The following NAV3 variants were observed in gnomAD, a reference collection of about 807,000 sequenced individuals.
NAV3 encodes pore membrane and/or filament interacting like protein 1.
In NAV3, 87 loss-of-function variants were observed where a neutral mutation model predicts 244.7. The ratio of observed to expected loss-of-function variants is 0.36; its 90% CI spans 0.30 to 0.42. NAV3 has a LOEUF of 0.42. NAV3 is among the 20% of genes least tolerant of loss of function. The pLI is 1.00. For synonymous variants in NAV3, 1,126 were observed against 1,042.2 expected, an observed-to-expected ratio of 1.08 and a Z score of -1.55; for missense variants, 2,663 against 2,893.3, an observed-to-expected ratio of 0.92 and a Z score of 1.83.
At chr12:77,625,779 T>A (rs546541351) in intron 2 of NAV3, among the ~76,000 whole-genome samples, 1 of 152,262 alleles carries the variant, frequency 6.6e-6, no homozygotes, top group East Asian at 1.9e-4. Flanking sequence ...ACACTATAGA[T>A]AAATCTGTAG....
At chr12:77,881,557 A>T (rs894359613) in intron 1 of NAV3, among the ~76,000 whole-genome samples, 1 of 152,148 alleles carries the variant, frequency 6.6e-6, no homozygotes, top group African/African-American at 2.4e-5. Flanking sequence ...CCTATTCAGC[A>T]TATTATTGGA....
intron 1 of NAV3, among the ~76,000 whole-genome samples, chr12:77,879,307 T>G (rs927708524): frequency 6.6e-6 from 1 of 152,094 alleles, no homozygotes; most frequent in Non-Finnish European, 1.5e-5. Context: ...TACACAGAAT[T>G]TATATTAAAT....
intron 1 of NAV3, among the ~76,000 whole-genome samples, chr12:77,929,358 G>T (rs918668229): frequency 4.6e-5 from 7 of 152,092 alleles, no homozygotes; most frequent in Admixed American, 6.5e-5. Flanking sequence ...ACATTGCATA[G>T]CTCTGGCTGC....
At chr12:77,649,952 T>A (rs1056230393) in intron 2 of NAV3, among the ~76,000 whole-genome samples, 9 of 152,232 alleles carry the variant, frequency 5.9e-5, no homozygotes, top group African/African-American at 2.2e-4. Flanking sequence ...AACAGCAATC[T>A]TTTTGTTCAC....
chr12:77,881,684 C>G (rs561395651), intron 1 of NAV3, among the ~76,000 whole-genome samples: 35 of 152,184 alleles, frequency 2.3e-4, no homozygotes, highest in Non-Finnish European at 4.7e-4. Context: ...AACCCTAAGA[C>G]TCTTCCAAAA....
At position 77,720,412 on chromosome 12, in the gene NAV3, A is replaced by G. The variant is rs1876563856; in HGVS notation, c.72+148146A>G. Among the ~76,000 whole-genome samples, 4 of 152,094 alleles carry G rather than the reference A, an allele frequency of 2.6e-5. No homozygotes were observed. In the South Asian group the frequency reaches 8.3e-4, roughly 32 times the overall value. On this transcript the variant is annotated intron_variant, in intron 2 of 8. Coordinates refer to the NAV3 transcript ENST00000550042. ...CAGGAAGTGTGCACATAAATTTCCA[A>G]TTAGAAGGATTTACTGGCTTCTTTT...
At chr12:78,059,933 CT>C (rs1273007073) in intron 12 of NAV3, among the ~76,000 whole-genome samples, 1 of 150,978 alleles carries the variant, frequency 6.6e-6, no homozygotes, top group Admixed American at 6.6e-5. Flanking sequence ...CTTATTTTTG[CT>C]TCTTTATTGC....
intron 2 of NAV3, among the ~76,000 whole-genome samples, chr12:77,662,622 T>G (rs1873516926): frequency 6.6e-6 from 1 of 152,110 alleles, no homozygotes; most frequent in Non-Finnish European, 1.5e-5. Context: ...GATTTTTGCG[T>G]AAATTTCTCC....
intron 7 of NAV3, among the ~76,000 whole-genome samples, chr12:78,000,919 A>G (rs1873178670): frequency 2.0e-5 from 3 of 150,732 alleles, no homozygotes; most frequent in Admixed American, 2.0e-4. Context: ...CGGAGCTTGC[A>G]GTGAGCCAAG....
At chr12:77,849,870 A>G (rs1260571804) in intron 1 of NAV3, among the ~76,000 whole-genome samples, 3 of 152,172 alleles carry the variant, frequency 2.0e-5, no homozygotes, top group Non-Finnish European at 4.4e-5. Flanking sequence ...CTCATCAAAT[A>G]TAGACTTTTG....
intron 2 of NAV3, among the ~76,000 whole-genome samples, chr12:77,684,713 CT>C (rs148124483): frequency 2.0e-5 from 3 of 151,606 alleles, no homozygotes; most frequent in Non-Finnish European, 2.9e-5. Context: ...CTGATGATTC[CT>C]TTTTTTTGTT....
rs189509202 is a variant in NAV3 at position 78,058,757 on chromosome 12, G to A, written c.2517-239G>A. Among the ~76,000 whole-genome samples, 8 of 152,050 alleles carry A rather than the reference G, an allele frequency of 5.3e-5. No individual in the cohort carries two copies. The East Asian group carries it at 7.7e-4, about 15-fold the overall frequency. On this transcript the variant is annotated intron_variant, in intron 11 of 39. Coordinates refer to ENST00000397909, the MANE Select transcript of NAV3 (RefSeq NM_001024383.2). ...TTCTATGGTAGGCTAGTTACTTGTC[G>A]CAGTAACTACTACTAGGAAATATTG... is the stretch of plus-strand genomic sequence containing the variant.
intron 21 of NAV3, among the ~76,000 whole-genome samples, chr12:78,147,388 T>A (rs1403373163): frequency 6.6e-6 from 1 of 152,036 alleles, no homozygotes; most frequent in Non-Finnish European, 1.5e-5. Context: ...TGCTGTATCA[T>A]GAGTTATGGT....
At chr12:77,656,916 C>T (rs1873138523) in intron 2 of NAV3, among the ~76,000 whole-genome samples, 2 of 152,100 alleles carry the variant, frequency 1.3e-5, no homozygotes, top group Non-Finnish European at 1.5e-5. Context: ...CCAACAAGAA[C>T]AAAGACACAA....
intron 1 of NAV3, among the ~76,000 whole-genome samples, chr12:77,922,391 T>C (rs1233883232): frequency 6.6e-6 from 1 of 152,148 alleles, no homozygotes; most frequent in Admixed American, 6.6e-5. Context: ...GTTTTGGTTT[T>C]TGACTGATCC....
At chr12:77,602,194 C>T (rs1261689465) in intron 2 of NAV3, among the ~76,000 whole-genome samples, 1 of 151,892 alleles carries the variant, frequency 6.6e-6, no homozygotes, top group African/African-American at 2.4e-5. Flanking sequence ...AGGAGTAGGA[C>T]AGTCTGGGAA....
intron 2 of NAV3, among the ~76,000 whole-genome samples, chr12:77,796,607 A>G (rs1426821365): frequency 6.6e-6 from 1 of 152,220 alleles, no homozygotes; most frequent in African/African-American, 2.4e-5. Context: ...ATCAATTAGC[A>G]TTGCATGCTA....
Position 78,144,877 on chromosome 12 carries a change from G to A in NAV3, c.4684-1492G>A, listed in dbSNP as rs143578753. ...GTGGGCTACAGTGAGTTGTGAATGC[G>A]CAGTGCACCTGAGTGATAGATCAAG... On this transcript the variant is annotated intron_variant, in intron 20 of 39. Coordinates refer to ENST00000397909, the MANE Select transcript of NAV3 (RefSeq NM_001024383.2). Among the ~76,000 whole-genome samples the A allele has an allele frequency of 9.3e-5, 12 of 129,480 alleles. No homozygotes were observed. The East Asian group carries it at 2.5e-3, about 27-fold the overall frequency. 84.9% of individuals were successfully genotyped at this position (129,480 alleles called of 152,430 possible). A position where few individuals can be genotyped will look rare whatever the true frequency, so the allele number is the denominator to read the frequency against.
At chr12:77,759,401 T>C (rs1338996698) in intron 2 of NAV3, among the ~76,000 whole-genome samples, 1 of 152,236 alleles carries the variant, frequency 6.6e-6, no homozygotes, top group Non-Finnish European at 1.5e-5. Context: ...TGGTATTCAA[T>C]CTCAGGTCTT....
Sources: allele counts gnomAD v4.1 joint callset (sites outside exome capture counted in the v4.1 genomes callset), GRCh38; gene constraint gnomAD v4.1.1; transcripts MANE v1.5; gene names NCBI Gene and HGNC (gene_info 2026-07-23, HGNC 2026-07-21).